Variants in EPAS1 observed in about 807,000 individuals in gnomAD.
The protein encoded by EPAS1 is endothelial PAS domain-containing protein 1.
A neutral mutation model predicts 87.9 loss-of-function variants in EPAS1; 23 were observed. That is an observed-to-expected ratio of 0.26 (90% CI 0.19 to 0.37). The LOEUF is 0.37. EPAS1 is among the 10% of genes least tolerant of loss of function. The pLI is 1.00. For missense variants in EPAS1, 1,138 were observed against 1,120.7 expected, an observed-to-expected ratio of 1.02 and a Z score of -0.22; for synonymous variants, 508 against 444.3, an observed-to-expected ratio of 1.14 and a Z score of -1.80.
intron 1 of EPAS1, among the ~76,000 whole-genome samples, chr2:46,305,498 G>A (rs1237389739): frequency 1.3e-5 from 2 of 152,074 alleles, no homozygotes. Context: ...CAGTTTTAAA[G>A]TTATAAGTAA....
chr2:46,335,241 A>C (rs893317903), intron 1 of EPAS1, among the ~76,000 whole-genome samples: 1 of 152,224 alleles, frequency 6.6e-6, no homozygotes. Flanking sequence ...CACTATTAGC[A>C]TGTGATCAAG....
At chr2:46,365,297 A>G (rs1348844805) in intron 6 of EPAS1, among the ~76,000 whole-genome samples, 1 of 152,220 alleles carries the variant, frequency 6.6e-6, no homozygotes, top group East Asian at 1.9e-4. Flanking sequence ...GGGTCATACA[A>G]TTTTTACAGG....
Position 46,380,994 on chromosome 2 carries a change from C to T in EPAS1, c.2045+277C>T, listed in dbSNP as rs986734937. Among the ~76,000 whole-genome samples, 1 of 152,182 alleles carries T rather than the reference C, an allele frequency of 6.6e-6. No homozygotes were observed. Among genetic ancestry groups the T allele is most frequent in the East Asian group, 1.9e-4 (1 of 5,196 alleles). On this transcript the variant is annotated intron_variant, in intron 12 of 15. Transcript: ENST00000263734. The surrounding 1 kb of genome is among the most constrained non-coding windows in gnomAD (Gnocchi z 4.4). ...CTCCCTTCGGACCACCACCAGAGTG[C>T]CTTTCGTATCTCGGTTCATCATCTG... is the stretch of plus-strand genomic sequence containing the variant.
At chr2:46,382,710 C>T in intron 15 of EPAS1, 112 bp downstream of exon 15, 2 of 1,402,256 alleles carry the variant, frequency 1.4e-6, no homozygotes, top group Non-Finnish European at 2.0e-6. Context: ...AGGTGCTTGA[C>T]TTGAAGTCAC....
intron 6 of EPAS1, among the ~76,000 whole-genome samples, chr2:46,366,868 C>T (rs868243110): frequency 2.0e-5 from 3 of 152,226 alleles, no homozygotes; most frequent in Non-Finnish European, 2.9e-5. Context: ...TAAACAAGCT[C>T]GGTTCATTAA....
intron 1 of EPAS1, among the ~76,000 whole-genome samples, chr2:46,301,463 G>A (rs1682995327): frequency 6.6e-6 from 1 of 151,876 alleles, no homozygotes; most frequent in South Asian, 2.1e-4. Context: ...TGTAATCCCA[G>A]CTATTCTGGA....
intron 1 of EPAS1, among the ~76,000 whole-genome samples, chr2:46,345,778 T>G (rs2104870792): frequency 6.6e-6 from 1 of 152,310 alleles, no homozygotes; most frequent in African/African-American, 2.4e-5. Flanking sequence ...GAAAATAGAA[T>G]TGTCCTGTAC....
chr2:46,363,576 T>C (rs566113528), intron 6 of EPAS1, among the ~76,000 whole-genome samples: 13 of 152,202 alleles, frequency 8.5e-5, no homozygotes, highest in Middle Eastern at 3.4e-3. Flanking sequence ...ACACAAGGAA[T>C]TGGATGTCTA....
At chr2:46,352,577 G>A (rs565369322) in intron 2 of EPAS1, among the ~76,000 whole-genome samples, 3 of 152,324 alleles carry the variant, frequency 2.0e-5, no homozygotes, top group African/African-American at 7.2e-5. Context: ...GCAGATTTGT[G>A]ACATGAGCCT....
At chr2:46,361,401 G>C (rs969958612) in intron 6 of EPAS1, among the ~76,000 whole-genome samples, 1 of 152,158 alleles carries the variant, frequency 6.6e-6, no homozygotes, top group African/African-American at 2.4e-5. Flanking sequence ...AATTCTCAAG[G>C]CAGTCTTCTG....
At chr2:46,376,879 G>C in intron 9 of EPAS1, 126 bp downstream of exon 9, 2 of 967,770 alleles carry the variant, frequency 2.1e-6, no homozygotes, top group South Asian at 1.4e-5. Context: ...CCCAAGTCTT[G>C]TTAATCACCT....
intron 4 of EPAS1, among the ~76,000 whole-genome samples, chr2:46,359,935 G>T (rs991642401): frequency 6.6e-6 from 1 of 152,150 alleles, no homozygotes. Context: ...CTATATTGCT[G>T]GTCTTGGTGA....
chr2:46,329,693 G>A (rs1410362254), intron 1 of EPAS1, among the ~76,000 whole-genome samples: 3 of 152,246 alleles, frequency 2.0e-5, no homozygotes, highest in Non-Finnish European at 2.9e-5. Flanking sequence ...GCAGTGGTGG[G>A]CACCTGTAAT....
chr2:46,381,528 A>C (rs1684890679), intron 12 of EPAS1, 68 bp from the exon 13 acceptor site: 2 of 1,612,708 alleles, frequency 1.2e-6, no homozygotes, highest in South Asian at 2.2e-5. Flanking sequence ...AGGGCCCCTA[A>C]GATGAGAAGG....
chr2:46,356,916 A>G (rs1407359275), intron 4 of EPAS1, 108 bp downstream of exon 4: 2 of 815,112 alleles, frequency 2.5e-6, no homozygotes, highest in Non-Finnish European at 2.1e-6. Context: ...TGATGCAGGA[A>G]AAATGGATGT....
chr2:46,339,384 T>C (rs1232623347), intron 1 of EPAS1, among the ~76,000 whole-genome samples: 3 of 152,256 alleles, frequency 2.0e-5, no homozygotes, highest in Admixed American at 6.5e-5. Context: ...TCGTGCCACA[T>C]GGCCAGTGCT....
intron 6 of EPAS1, among the ~76,000 whole-genome samples, chr2:46,366,776 T>C (rs1684510861): frequency 6.6e-6 from 1 of 152,230 alleles, no homozygotes; most frequent in Admixed American, 6.5e-5. Context: ...ACTTGTGTTA[T>C]CACAGCCCAG....
In EPAS1 at chr2:46,347,652, C is replaced by G. The variant is rs532269329; in HGVS notation, c.217+589C>G. 2 of 164,264 alleles carry G rather than the reference C, an allele frequency of 1.2e-5. No individual in the cohort carries two copies. Among genetic ancestry groups the G allele is most frequent in the Admixed American group, 1.1e-4 (2 of 17,708 alleles). The allele number at this position is 164,264 out of a possible 1,614,324, so 10.2% of individuals were successfully genotyped here. A position where few individuals can be genotyped will look rare whatever the true frequency, so the allele number is the denominator to read the frequency against. On this transcript the variant is annotated intron_variant, in intron 2 of 15. Coordinates refer to ENST00000263734, the MANE Select transcript of EPAS1 (RefSeq NM_001430.5). This position sits in a 1 kb window ranked among gnomAD's most constrained non-coding sequence, Gnocchi z 4.2. ...CCTGGCCTGGCTGAGCTCACTCACA[C>G]TGGGGAGTCCTTGACATCACCCCTC...
In EPAS1 at chr2:46,301,219, G is replaced by A. The variant is rs1008561706; in HGVS notation, c.26+3282G>A. Among the ~76,000 whole-genome samples the A allele has an allele frequency of 4.6e-5, 7 of 152,076 alleles. 1 individual carries two copies. Among genetic ancestry groups the A allele is most frequent in the African/African-American group, 1.4e-4 (6 of 41,396 alleles). ...ATCTAGTCAGACTTTTCTCTTTCTG[G>A]ATAAGGAAACTGATGCCGAGAGAGG... is the stretch of plus-strand genomic sequence containing the variant. On this transcript the variant is annotated intron_variant, in intron 1 of 15. Transcript: ENST00000263734.
Sources: allele counts gnomAD v4.1 joint callset (sites outside exome capture counted in the v4.1 genomes callset), GRCh38; gene constraint gnomAD v4.1.1; non-coding constraint Gnocchi (gnomAD v3.1); transcripts MANE v1.5; gene names NCBI Gene and HGNC (gene_info 2026-07-23, HGNC 2026-07-21).